GALNTL6: variants seen among roughly 807,000 people sequenced by gnomAD.
GALNTL6 encodes polypeptide N-acetylgalactosaminyltransferase-like 6.
GALNTL6 carries 46 observed loss-of-function variants against 73.7 expected under a neutral mutation model. The observed-to-expected ratio is 0.62, with a 90% CI of 0.49 to 0.80. The LOEUF (loss-of-function observed/expected upper bound fraction) is 0.80. Among genes scored for constraint, GALNTL6 ranks in the 30% least tolerant of loss-of-function variants. The pLI is 0.00. For synonymous variants in GALNTL6, 259 were observed against 263.7 expected (o/e 0.98, Z 0.17); for missense variants, 604 against 755.0 (o/e 0.80, Z 2.34).
chr4:172,073,209 G>A (rs1731599238), intron 2 of GALNTL6, among the ~76,000 whole-genome samples: 2 of 152,076 alleles, frequency 1.3e-5, no homozygotes, highest in South Asian at 4.1e-4. Flanking sequence ...GAGACTCACA[G>A]ACATTCTCTA....
At chr4:171,953,717 A>G (rs1738957991) in intron 2 of GALNTL6, among the ~76,000 whole-genome samples, 1 of 152,176 alleles carries the variant, frequency 6.6e-6, no homozygotes, top group South Asian at 2.1e-4. Flanking sequence ...GAGGACAAAT[A>G]CAAGCCAATG....
intron 5 of GALNTL6, among the ~76,000 whole-genome samples, chr4:172,411,712 AGCTGC>A (rs1744443766): frequency 6.6e-6 from 1 of 152,014 alleles, no homozygotes; most frequent in Non-Finnish European, 1.5e-5. Flanking sequence ...ATCTTGGCTT[AGCTGC>A]AACCTGCCTG....
intron 2 of GALNTL6, among the ~76,000 whole-genome samples, chr4:172,197,765 T>G (rs1323732753): frequency 6.6e-6 from 1 of 152,156 alleles, no homozygotes; most frequent in Non-Finnish European, 1.5e-5. Context: ...AAAGCCTTCC[T>G]TACACCTTAT....
At chr4:171,992,792 A>G (rs1406448579) in intron 2 of GALNTL6, among the ~76,000 whole-genome samples, 2 of 152,078 alleles carry the variant, frequency 1.3e-5, no homozygotes, top group African/African-American at 4.8e-5. Context: ...AAATTAATTG[A>G]CCTCATTATA....
At chr4:172,759,232 G>A (rs7664183) in intron 5 of GALNTL6, among the ~76,000 whole-genome samples, 22,370 of 152,144 alleles carry the variant, frequency 0.15, 1,905 homozygotes, top group East Asian at 0.26. Context: ...CAGGTAATAG[G>A]GGAGATGAAT....
chr4:172,369,763 A>C (rs1315713716), intron 5 of GALNTL6, among the ~76,000 whole-genome samples: 1 of 152,048 alleles, frequency 6.6e-6, no homozygotes, highest in African/African-American at 2.4e-5. Context: ...GGCCACTCTG[A>C]GTGCAGATCC....
intron 7 of GALNTL6, among the ~76,000 whole-genome samples, chr4:172,867,515 C>T (rs1261145987): frequency 6.6e-6 from 1 of 152,200 alleles, no homozygotes; most frequent in Non-Finnish European, 1.5e-5. Flanking sequence ...GCTTCCTAAA[C>T]AGCAGTAAAG....
At chr4:171,820,207 A>T (rs909508660) in intron 2 of GALNTL6, among the ~76,000 whole-genome samples, 1 of 152,162 alleles carries the variant, frequency 6.6e-6, no homozygotes. Flanking sequence ...AGGCATCATG[A>T]CCTCTAACTT....
At chr4:172,443,228 C>T (rs1351801783) in intron 5 of GALNTL6, among the ~76,000 whole-genome samples, 7 of 142,246 alleles carry the variant, frequency 4.9e-5, no homozygotes, top group African/African-American at 1.8e-4. Flanking sequence ...TGCAGTGGCA[C>T]GATTTCAGCT....
intron 2 of GALNTL6, among the ~76,000 whole-genome samples, chr4:172,020,051 T>A (rs1334461136): frequency 6.6e-6 from 1 of 152,090 alleles, no homozygotes; most frequent in Non-Finnish European, 1.5e-5. Flanking sequence ...TTAAATAATA[T>A]GCTCTTGAAC....
intron 5 of GALNTL6, among the ~76,000 whole-genome samples, chr4:172,560,355 G>A (rs1736308821): frequency 1.3e-5 from 2 of 152,016 alleles, no homozygotes; most frequent in African/African-American, 4.8e-5. Flanking sequence ...AAAATTAGCA[G>A]GGCGTGATGG....
At chr4:172,530,343 TA>T (rs764965198) in intron 5 of GALNTL6, among the ~76,000 whole-genome samples, 1 of 152,200 alleles carries the variant, frequency 6.6e-6, no homozygotes, top group Non-Finnish European at 1.5e-5. Context: ...ATATAGAGAC[TA>T]AAGGGAAATG....
chr4:173,035,037 T>C (rs1753627596), intron 12 of GALNTL6, among the ~76,000 whole-genome samples: 4 of 152,200 alleles, frequency 2.6e-5, no homozygotes, highest in African/African-American at 9.6e-5. Flanking sequence ...AACAACCTAA[T>C]TCATATCCTA....
intron 2 of GALNTL6, among the ~76,000 whole-genome samples, chr4:171,869,829 T>C (rs1443636843): frequency 6.6e-6 from 1 of 152,110 alleles, no homozygotes; most frequent in Non-Finnish European, 1.5e-5. Context: ...GGTTTCCCCT[T>C]CTGCTTGGCT....
rs912083736 is a variant in GALNTL6, at chr4:172,850,753, C to A, written c.924-32037C>A. ...CAATAAGTTGAGAATTCCCATGACC[C>A]CTTTTACGGGTTCTATTACTTTGCT... On this transcript the variant is annotated intron_variant, in intron 7 of 12. Transcript: ENST00000506823. 5.3e-5 allele frequency among the ~76,000 whole-genome samples: 8 copies of A among 152,238 alleles called. 1 individual carries two copies. In the South Asian group the frequency reaches 1.7e-3, roughly 32 times the overall value.
At position 172,413,517 on chromosome 4, in the gene GALNTL6, T is replaced by C. The variant is rs190896217; in HGVS notation, c.553+64828T>C. On this transcript the variant is annotated intron_variant, in intron 5 of 12. Transcript: ENST00000506823. ...ATGAAAAGAGATGCAGATGGATCTG[T>C]TTTACAGCCAAGTATATTTCCACAT... is the stretch of plus-strand genomic sequence containing the variant. Among the ~76,000 whole-genome samples, 119 of 152,334 alleles carry C rather than the reference T, an allele frequency of 7.8e-4. 1 individual carries two copies. In the South Asian group the frequency reaches 0.016, roughly 21 times the overall value.
intron 8 of GALNTL6, among the ~76,000 whole-genome samples, chr4:172,926,851 A>AAAGTAATC (rs1168786472): frequency 6.6e-6 from 1 of 152,270 alleles, no homozygotes; most frequent in Non-Finnish European, 1.5e-5. Context: ...AGTAAGAATT[A>AAAGTAATC]AAGTAATCTC....
intron 2 of GALNTL6, among the ~76,000 whole-genome samples, chr4:171,912,573 TC>T (rs1737507032): frequency 6.6e-6 from 1 of 152,186 alleles, no homozygotes; most frequent in Non-Finnish European, 1.5e-5. Context: ...ATTATTTTCT[TC>T]TAGACATTTT....
chr4:172,272,977 T>G (rs1461746061), intron 3 of GALNTL6, among the ~76,000 whole-genome samples: 6 of 152,150 alleles, frequency 3.9e-5, no homozygotes, highest in Non-Finnish European at 8.8e-5. Flanking sequence ...TGCTGCATAT[T>G]CTTATTAAGA....
Sources: allele counts gnomAD v4.1 joint callset (sites outside exome capture counted in the v4.1 genomes callset), GRCh38; gene constraint gnomAD v4.1.1; transcripts MANE v1.5; gene names NCBI Gene and HGNC (gene_info 2026-07-23, HGNC 2026-07-21).